The following OSBPL3 variants were observed in gnomAD, a reference collection of about 807,000 sequenced individuals.
OSBPL3 encodes oxysterol-binding protein-related protein 3.
A neutral mutation model predicts 120.1 loss-of-function variants in OSBPL3; 65 were observed. That is an observed-to-expected ratio of 0.54 (90% CI 0.44 to 0.67). The LOEUF (loss-of-function observed/expected upper bound fraction) is 0.67. OSBPL3 is among the 30% of genes least tolerant of loss of function. The pLI is 0.00. For synonymous variants in OSBPL3, 416 were observed against 402.6 expected, an observed-to-expected ratio of 1.03 and a Z score of -0.40; for missense variants, 1,004 against 1,082.1, an observed-to-expected ratio of 0.93 and a Z score of 1.01.
At position 24,952,062 on chromosome 7, in the gene OSBPL3, C is replaced by T. The variant is rs1004881870; in HGVS notation, c.-150+27824G>A. Among the ~76,000 whole-genome samples, 3 of 152,102 alleles carry T rather than the reference C, an allele frequency of 2.0e-5. No homozygotes were observed. Among genetic ancestry groups the T allele is most frequent in the African/African-American group, 7.2e-5 (3 of 41,414 alleles). On this transcript the variant is annotated intron_variant, in intron 1 of 22. Transcript: ENST00000313367. This position sits in a 1 kb window ranked among gnomAD's most constrained non-coding sequence, Gnocchi z 4.4. The stretch of plus-strand genomic sequence containing the variant: ...CATCTAATAACTAAAAGGAAGAACA[C>T]GAATGAATGTAGAGGGGCCTCCCCA...
chr7:24,834,445 G>A lies in OSBPL3; in HGVS notation c.1746+41C>T, dbSNP rs750962468. The A allele has an allele frequency of 4.6e-5, 73 of 1,576,822 alleles. No individual in the cohort carries two copies. Among genetic ancestry groups the A allele is most frequent in the Non-Finnish European group, 6.3e-5 (73 of 1,161,030 alleles). On this transcript the variant is annotated intron_variant, in intron 15 of 22. Transcript: ENST00000313367. The surrounding 1 kb of genome is among the most constrained non-coding windows in gnomAD (Gnocchi z 5.2). ...CCCGTGAATGGCCTCGTGGCTTGGG[G>A]ACCGAGGCTGGACAGTGGCAAGGGA... is the stretch of plus-strand genomic sequence containing the variant.
intron 2 of OSBPL3, among the ~76,000 whole-genome samples, chr7:24,878,069 T>C (rs1032561452): frequency 2.6e-5 from 4 of 152,212 alleles, no homozygotes; most frequent in African/African-American, 7.2e-5. Context: ...GTCTGAAAAG[T>C]GCCAAAGATA....
intron 1 of OSBPL3, among the ~76,000 whole-genome samples, chr7:24,924,923 A>C (rs111270245): frequency 1.1e-3 from 164 of 152,322 alleles, no homozygotes; most frequent in African/African-American, 3.8e-3. Flanking sequence ...TCAACTATAT[A>C]TAGCTGTTAC....
Position 24,813,055 on chromosome 7 carries a change from T to C in OSBPL3, c.2172+2004A>G, listed in dbSNP as rs993701597. On this transcript the variant is annotated intron_variant, in intron 19 of 22. Transcript: ENST00000313367. The surrounding 1 kb of genome is among the most constrained non-coding windows in gnomAD (Gnocchi z 4.5). ...CACCGTGTCTGGCTAATTTTTAAAT[T>C]TGTTGTAGAGATAGGGTCTTGTCAG... Among the ~76,000 whole-genome samples, 1 of 152,098 alleles carries C rather than the reference T, an allele frequency of 6.6e-6. No individual in the cohort carries two copies. The highest frequency in any genetic ancestry group is 1.5e-5 in the Non-Finnish European group (1 of 68,018).
intron 2 of OSBPL3, among the ~76,000 whole-genome samples, chr7:24,875,543 G>T (rs2128294704): frequency 6.6e-6 from 1 of 152,132 alleles, no homozygotes; most frequent in South Asian, 2.1e-4. Context: ...ATTCAAGTAG[G>T]TTACATTAAT....
intron 16 of OSBPL3, among the ~76,000 whole-genome samples, chr7:24,825,285 T>TG (rs773070440): frequency 6.6e-6 from 1 of 152,290 alleles, no homozygotes; most frequent in South Asian, 2.1e-4. Flanking sequence ...AATGGCTGGC[T>TG]GTAGAAGGAA....
chr7:24,976,497 T>C (rs1214030542), intron 1 of OSBPL3, among the ~76,000 whole-genome samples: 2 of 151,388 alleles, frequency 1.3e-5, no homozygotes, highest in African/African-American at 4.9e-5. Flanking sequence ...GAGACAAGAG[T>C]TAGGGTGAGC....
intron 12 of OSBPL3, among the ~76,000 whole-genome samples, chr7:24,845,461 ATGTGTGTG>A (rs138960641): frequency 7.3e-6 from 1 of 137,040 alleles, no homozygotes; most frequent in Non-Finnish European, 1.6e-5. Context: ...GTGTGTGTGT[ATGTGTGTG>A]TGTGTGAATT....
chr7:24,815,381 A>G lies in OSBPL3; in HGVS notation c.2028-178T>C, dbSNP rs1794346545. Among the ~76,000 whole-genome samples the G allele has an allele frequency of 6.6e-6, 1 of 152,188 alleles. No homozygotes were observed. The highest frequency in any genetic ancestry group is 2.4e-5 in the African/African-American group (1 of 41,440). Reference sequence around the variant, plus strand: ...GATGTTCTAGGAGCTTCCACTCTCCAAGGAGGCATGCATGCCACAGAGAAT... The same window carrying G: ...GATGTTCTAGGAGCTTCCACTCTCCGAGGAGGCATGCATGCCACAGAGAAT... On this transcript the variant is annotated intron_variant, in intron 18 of 22. Coordinates refer to ENST00000313367, the MANE Select transcript of OSBPL3 (RefSeq NM_015550.4). This position sits in a 1 kb window ranked among gnomAD's most constrained non-coding sequence, Gnocchi z 5.1.
rs561786916 is a variant in OSBPL3 at position 24,831,179 on chromosome 7, G to A, written c.1747-274C>T. ...TAAAGACGATGACATTTCTAAACTG[G>A]ACTACACTGTTTCTGGAAACTGTTA... On this transcript the variant is annotated intron_variant, in intron 15 of 22. Coordinates refer to ENST00000313367, the MANE Select transcript of OSBPL3 (RefSeq NM_015550.4). This position sits in a 1 kb window ranked among gnomAD's most constrained non-coding sequence, Gnocchi z 4.0. Among the ~76,000 whole-genome samples the A allele has an allele frequency of 9.9e-5, 15 of 152,114 alleles. No individual in the cohort carries two copies. The highest frequency in any genetic ancestry group is 1.6e-4 in the Non-Finnish European group (11 of 68,020).
rs909771619 is a variant in OSBPL3, at chr7:24,936,742, C to G, written c.-150+43144G>C. 6.6e-6 allele frequency among the ~76,000 whole-genome samples: 1 copy of G among 152,162 alleles called. No individual in the cohort carries two copies. Among genetic ancestry groups the G allele is most frequent in the Admixed American group, 6.5e-5 (1 of 15,282 alleles). ...AGGGAAGATGTGAAGGGATATGATTCTGGAAACAATCGTGAATAACATGAT... is the reference window on the plus strand; with the variant it reads ...AGGGAAGATGTGAAGGGATATGATTGTGGAAACAATCGTGAATAACATGAT... On this transcript the variant is annotated intron_variant, in intron 1 of 22. Transcript: ENST00000313367. The surrounding 1 kb of genome is among the most constrained non-coding windows in gnomAD (Gnocchi z 4.2).
In OSBPL3 at chr7:24,855,424, A is replaced by G. The variant is rs1229935489; in HGVS notation, c.1028-2790T>C. Reference sequence around the variant, plus strand: ...GGCAGAATATACAATATTTGGTTCAAAATGTACAGCTGACAAGATTGCAAT... The same window carrying G: ...GGCAGAATATACAATATTTGGTTCAGAATGTACAGCTGACAAGATTGCAAT... On this transcript the variant is annotated intron_variant, in intron 10 of 22. Transcript: ENST00000313367. The surrounding 1 kb of genome is among the most constrained non-coding windows in gnomAD (Gnocchi z 4.3). Among the ~76,000 whole-genome samples, 5 of 152,226 alleles carry G rather than the reference A, an allele frequency of 3.3e-5. No homozygotes were observed. Among genetic ancestry groups the G allele is most frequent in the African/African-American group, 1.2e-4 (5 of 41,456 alleles).
intron 10 of OSBPL3, 79 bp downstream of exon 10, chr7:24,861,534 C>A (rs1341922607): frequency 1.1e-6 from 1 of 900,396 alleles, no homozygotes; most frequent in African/African-American, 1.7e-5. Flanking sequence ...CTAAGATACT[C>A]TCTCTAAGGA....
At chr7:24,829,708 G>C (rs558376038) in intron 16 of OSBPL3, among the ~76,000 whole-genome samples, 182 of 152,148 alleles carry the variant, frequency 1.2e-3, no homozygotes, top group African/African-American at 4.1e-3. Flanking sequence ...AGGTGGGAGA[G>C]GGTGTATTTT....
intron 16 of OSBPL3, among the ~76,000 whole-genome samples, chr7:24,823,027 A>G (rs1411659550): frequency 1.3e-5 from 2 of 152,144 alleles, no homozygotes; most frequent in African/African-American, 4.8e-5. Context: ...ATTTACATTG[A>G]TAGCTTATTA....
chr7:24,895,378 A>G (rs1805989985), intron 1 of OSBPL3, among the ~76,000 whole-genome samples: 1 of 152,132 alleles, frequency 6.6e-6, no homozygotes, highest in African/African-American at 2.4e-5. Context: ...GTAGCCTGGG[A>G]GCAGTAGGCT....
intron 1 of OSBPL3, among the ~76,000 whole-genome samples, chr7:24,977,739 C>A (rs1385203765): frequency 6.6e-6 from 1 of 152,158 alleles, no homozygotes; most frequent in Non-Finnish European, 1.5e-5. Flanking sequence ...GCCTGTAGTC[C>A]CAGCCACCCG....
In OSBPL3 at chr7:24,918,204, G is replaced by T. The variant is rs2128442647; in HGVS notation, c.-149-25583C>A. 1 of 251,922 alleles carries T rather than the reference G, an allele frequency of 4.0e-6. No homozygotes were observed. Among genetic ancestry groups the T allele is most frequent in the Non-Finnish European group, 6.3e-6 (1 of 159,310 alleles). 15.6% of individuals were successfully genotyped at this position (251,922 alleles called of 1,614,324 possible). A position where few individuals can be genotyped will look rare whatever the true frequency, so the allele number is the denominator to read the frequency against. On this transcript the variant is annotated intron_variant, in intron 1 of 22. Transcript: ENST00000313367. This position sits in a 1 kb window ranked among gnomAD's most constrained non-coding sequence, Gnocchi z 4.3. ...GAGGTCAAGAGAGTCATGAGAAACT[G>T]ACCATCACATAAACACCATAGCAAT... is the stretch of plus-strand genomic sequence containing the variant.
At chr7:24,858,096 A>C (rs1800053680) in intron 10 of OSBPL3, among the ~76,000 whole-genome samples, 1 of 152,226 alleles carries the variant, frequency 6.6e-6, no homozygotes, top group Non-Finnish European at 1.5e-5. Context: ...AACTGGTTCA[A>C]CAATATGCCA....
Sources: allele counts gnomAD v4.1 joint callset (sites outside exome capture counted in the v4.1 genomes callset), GRCh38; gene constraint gnomAD v4.1.1; non-coding constraint Gnocchi (gnomAD v3.1); transcripts MANE v1.5; gene names NCBI Gene and HGNC (gene_info 2026-07-23, HGNC 2026-07-21).